Variants in NSG2 observed in about 807,000 individuals in gnomAD.
The protein encoded by NSG2 is neuronal vesicle trafficking-associated protein 2.
NSG2 carries 4 observed loss-of-function variants against 16.9 expected under a neutral mutation model. That is an observed-to-expected ratio of 0.24 (90% CI 0.12 to 0.54). NSG2 has a LOEUF of 0.54. NSG2 is among the 20% of genes least tolerant of loss of function. The probability of loss-of-function intolerance (pLI) is 0.95; values close to 1 mark genes in which losing one functional copy is unlikely to be tolerated. For synonymous variants in NSG2, 98 were observed against 88.7 expected (o/e 1.11, Z -0.59); for missense variants, 179 against 221.1 (o/e 0.81, Z 1.21).
intron 2 of NSG2, among the ~76,000 whole-genome samples, chr5:174,057,933 A>C (rs1466957769): frequency 1.3e-5 from 2 of 152,148 alleles, no homozygotes; most frequent in Non-Finnish European, 2.9e-5. Context: ...AAGAGAGATG[A>C]CCATGTCCTA....
chr5:174,084,696 C>T (rs188599565), intron 3 of NSG2, among the ~76,000 whole-genome samples: 160 of 152,366 alleles, frequency 1.1e-3, no homozygotes, highest in Middle Eastern at 3.4e-3. Context: ...CCTGGGCTGA[C>T]GCCCCACCCT....
At chr5:174,059,172 T>C (rs900428729) in intron 2 of NSG2, among the ~76,000 whole-genome samples, 1 of 152,222 alleles carries the variant, frequency 6.6e-6, no homozygotes, top group African/African-American at 2.4e-5. Context: ...AATTATTATA[T>C]GTATACTTGA....
At chr5:174,077,959 C>G (rs986618637) in intron 3 of NSG2, among the ~76,000 whole-genome samples, 1 of 152,198 alleles carries the variant, frequency 6.6e-6, no homozygotes, top group African/African-American at 2.4e-5. Context: ...TTCCCTCCTT[C>G]ATAGTTCTCA....
intron 3 of NSG2, 72 bp from the exon 4 acceptor site, chr5:174,104,156 C>T (rs1436618039): frequency 9.5e-7 from 1 of 1,057,768 alleles, no homozygotes; most frequent in Non-Finnish European, 1.5e-6. Flanking sequence ...CAGTTCTAGG[C>T]TCTGAAAGCT....
chr5:174,046,105 A>C (rs1322065372), intron 1 of NSG2: 1 of 152,110 alleles, frequency 6.6e-6, no homozygotes, highest in East Asian at 1.9e-4. Context: ...AAAAAAAAAA[A>C]AATGGCCCTT....
At chr5:174,104,133 C>T in intron 3 of NSG2, 95 bp from the exon 4 acceptor site, 1 of 847,152 alleles carries the variant, frequency 1.2e-6, no homozygotes, top group Non-Finnish European at 2.0e-6. Context: ...TTCTAGCACA[C>T]CATGCTGCCT....
chr5:174,093,632 C>T (rs1279341059), intron 3 of NSG2, among the ~76,000 whole-genome samples: 1 of 152,216 alleles, frequency 6.6e-6, no homozygotes, highest in African/African-American at 2.4e-5. Context: ...CTTTGGGGCT[C>T]AGCCAGGAAC....
At chr5:174,077,589 T>G (rs1273585381) in intron 3 of NSG2, among the ~76,000 whole-genome samples, 1 of 152,228 alleles carries the variant, frequency 6.6e-6, no homozygotes, top group Non-Finnish European at 1.5e-5. Context: ...GGCCACCTAT[T>G]CATCTCATAA....
At chr5:174,048,172 A>G (rs529563444) in intron 2 of NSG2, among the ~76,000 whole-genome samples, 1 of 152,340 alleles carries the variant, frequency 6.6e-6, no homozygotes, top group East Asian at 1.9e-4. Flanking sequence ...ACTAACACTA[A>G]AGAGATGAGA....
intron 3 of NSG2, among the ~76,000 whole-genome samples, chr5:174,081,814 C>T (rs529996694): frequency 5.4e-5 from 8 of 147,464 alleles, no homozygotes; most frequent in African/African-American, 1.5e-4. Context: ...GGCATGAACC[C>T]GGGAGGCAGA....
intron 3 of NSG2, among the ~76,000 whole-genome samples, chr5:174,099,615 C>T (rs575475997): frequency 6.6e-6 from 1 of 152,284 alleles, no homozygotes; most frequent in African/African-American, 2.4e-5. Flanking sequence ...TGCCCCCTGC[C>T]CAGGCCCCCA....
intron 4 of NSG2, among the ~76,000 whole-genome samples, chr5:174,105,953 G>A (rs984536348): frequency 2.6e-5 from 4 of 152,134 alleles, no homozygotes; most frequent in Admixed American, 6.5e-5. Flanking sequence ...GAACAGTAGG[G>A]GACAGTTGAA....
chr5:174,052,207 C>G (rs949003841), intron 2 of NSG2, among the ~76,000 whole-genome samples: 1 of 152,062 alleles, frequency 6.6e-6, no homozygotes, highest in Admixed American at 6.5e-5. Context: ...GAAGCACCCC[C>G]GATATGGGAG....
At chr5:174,062,506 T>G (rs1760069182) in intron 2 of NSG2, 2 of 152,224 alleles carry the variant, frequency 1.3e-5, no homozygotes, top group African/African-American at 4.8e-5. Context: ...CCCCACCCCC[T>G]GTAAGCTCTC....
At chr5:174,068,036 G>A (rs1259745762) in intron 3 of NSG2, among the ~76,000 whole-genome samples, 2 of 152,114 alleles carry the variant, frequency 1.3e-5, no homozygotes, top group Non-Finnish European at 2.9e-5. Context: ...AACTAGGGCT[G>A]GAGTCAGGGA....
intron 3 of NSG2, among the ~76,000 whole-genome samples, chr5:174,069,421 C>A (rs1162452522): frequency 6.6e-6 from 1 of 152,116 alleles, no homozygotes; most frequent in African/African-American, 2.4e-5. Flanking sequence ...TGTGGAGAGG[C>A]ACAGCTGTCC....
chr5:174,107,438 T>A lies in NSG2; in HGVS notation c.449T>A (p.Ile150Asn). Residue 150 changes from isoleucine (I) to asparagine (N), a missense_variant, in exon 5 of 5, where the codon ATC (isoleucine) becomes AAC (asparagine). Coordinates refer to ENST00000303177, the MANE Select transcript of NSG2 (RefSeq NM_015980.5). This position sits in a 1 kb window ranked among gnomAD's most constrained non-coding sequence, Gnocchi z 4.5. The stretch of plus-strand genomic sequence containing the variant: ...GCCAAGCAGAGCACTGCCCGGGCCA[T>A]CGGGCCGTGGCTGTCAGCAGCCGCT... Reference protein sequence around the residue: ...SVAKQSTARAIGPWLSAAAVI... With the variant: ...SVAKQSTARANGPWLSAAAVI... The A allele has an allele frequency of 6.2e-7, 1 of 1,612,778 alleles. No homozygotes were observed. The highest frequency in any genetic ancestry group is 8.5e-7 in the Non-Finnish European group (1 of 1,179,028).
At chr5:174,076,665 G>A (rs1760348609) in intron 3 of NSG2, among the ~76,000 whole-genome samples, 1 of 152,198 alleles carries the variant, frequency 6.6e-6, no homozygotes, top group Admixed American at 6.5e-5. Flanking sequence ...GTAGTTGGGT[G>A]AGTTCATCCC....
At chr5:174,105,457 C>T (rs1399561561) in intron 4 of NSG2, among the ~76,000 whole-genome samples, 7 of 152,162 alleles carry the variant, frequency 4.6e-5, no homozygotes, top group African/African-American at 1.2e-4. Context: ...ACAACGTTCA[C>T]GTAATGATGT....
Sources: allele counts gnomAD v4.1 joint callset (sites outside exome capture counted in the v4.1 genomes callset), GRCh38; gene constraint gnomAD v4.1.1; non-coding constraint Gnocchi (gnomAD v3.1); transcripts MANE v1.5; gene names NCBI Gene and HGNC (gene_info 2026-07-23, HGNC 2026-07-21).